MEIS3: variants seen among roughly 807,000 people sequenced by gnomAD.
MEIS3 encodes the protein homeobox protein Meis3.
MEIS3 carries 38 observed loss-of-function variants against 51.4 expected under a neutral mutation model. The observed-to-expected ratio is 0.74, with a 90% CI of 0.57 to 0.97. The LOEUF (loss-of-function observed/expected upper bound fraction) is 0.97, where lower values mean the gene tolerates loss of function less well. Ranked by LOEUF, MEIS3 falls within the 50% of genes least tolerant of loss-of-function variation. The probability of loss-of-function intolerance (pLI) is 0.00; values close to 1 mark genes in which losing one functional copy is unlikely to be tolerated. For synonymous variants in MEIS3, 198 were observed against 201.8 expected, an observed-to-expected ratio of 0.98 and a Z score of 0.16; for missense variants, 456 against 502.6, an observed-to-expected ratio of 0.91 and a Z score of 0.89.
rs1269747190 is a variant in MEIS3 at position 47,419,217 on chromosome 19, C to T, written c.-136G>A. Reference sequence around the variant, plus strand: ...GCAGGAGGCCAGGCGCGCGCCCCCCCACCCCCGCCGCCGTCAGCGGCAGGC... The same window carrying T: ...GCAGGAGGCCAGGCGCGCGCCCCCCTACCCCCGCCGCCGTCAGCGGCAGGC... On this transcript the variant is annotated 5_prime_UTR_variant, in exon 1 of 13. Transcript: ENST00000558555. 6.4e-5 allele frequency: 34 copies of T among 527,692 alleles called. No individual in the cohort carries two copies. The highest frequency in any genetic ancestry group is 9.3e-5 in the Admixed American group (2 of 21,414). The allele number at this position is 527,692 out of a possible 1,614,324, so 32.7% of individuals were successfully genotyped here. A position where few individuals can be genotyped will look rare whatever the true frequency, so the allele number is the denominator to read the frequency against.
upstream of MEIS3, among the ~76,000 whole-genome samples, chr19:47,421,826 C>G (rs1019184507): frequency 6.0e-5 from 9 of 151,072 alleles, no homozygotes; most frequent in Admixed American, 3.3e-4. Flanking sequence ...CTCTTTCTCT[C>G]CATCTTTCTC....
At chr19:47,420,844 T>C (rs1568434015), upstream of MEIS3, among the ~76,000 whole-genome samples, 1 of 150,996 alleles carries the variant, frequency 6.6e-6, no homozygotes. Context: ...CTTCCTCCAG[T>C]CTTTCCCTCT....
At chr19:47,417,829 C>T (rs529023587) in intron 1 of MEIS3, 1 of 612,158 alleles carries the variant, frequency 1.6e-6, no homozygotes, top group Non-Finnish European at 2.9e-6. Context: ...TGTCACACTC[C>T]ACTCGCCACG....
chr19:47,407,313 C>A, intron 9 of MEIS3, 39 bp downstream of exon 9: 1 of 1,593,360 alleles, frequency 6.3e-7, no homozygotes, highest in East Asian at 2.3e-5. Flanking sequence ...CCCGGGCTCT[C>A]GCCCCGGGCC....
At chr19:47,414,186 A>C (rs1971276537) in intron 6 of MEIS3, among the ~76,000 whole-genome samples, 1 of 151,906 alleles carries the variant, frequency 6.6e-6, no homozygotes, top group South Asian at 2.1e-4. Context: ...TGTGTGCAAG[A>C]GGGCACCGTG....
chr19:47,412,758 CG>C (rs1254782200), intron 6 of MEIS3, among the ~76,000 whole-genome samples: 1 of 151,924 alleles, frequency 6.6e-6, no homozygotes. Flanking sequence ...TTAGTAGAGA[CG>C]GGGTTTCACC....
chr19:47,417,409 T>TC, intron 1 of MEIS3, 59 bp from the exon 2 acceptor site: 1 of 1,591,006 alleles, frequency 6.3e-7, no homozygotes, highest in Non-Finnish European at 8.6e-7. Flanking sequence ...ACCCCGAGAC[T>TC]CGGCTGAGGA....
At chr19:47,406,169 G>A (rs1409228279) in intron 12 of MEIS3, 2 of 318,038 alleles carry the variant, frequency 6.3e-6, no homozygotes, top group Non-Finnish European at 1.2e-5. Context: ...GGGTGGACTA[G>A]GTTTGGATGG....
chr19:47,407,907 A>G (rs1970930418), intron 8 of MEIS3, among the ~76,000 whole-genome samples: 1 of 152,182 alleles, frequency 6.6e-6, no homozygotes, highest in African/African-American at 2.4e-5. Flanking sequence ...TCCGGGGTTC[A>G]AGGGATTCCC....
chr19:47,407,446 A>G lies in MEIS3; in HGVS notation c.859-18T>C. ...TACGGGTGCTGCAGCCACCAGCAAG[A>G]GTCACTCTGCCTGCCTGGCCGGCCG... On this transcript the variant is annotated intron_variant, in intron 8 of 12. Coordinates refer to ENST00000558555, the MANE Select transcript of MEIS3 (RefSeq NM_001301059.2). 6.2e-7 allele frequency: 1 copy of G among 1,613,780 alleles called. No individual in the cohort carries two copies. Among genetic ancestry groups the G allele is most frequent in the Non-Finnish European group, 8.5e-7 (1 of 1,179,902 alleles).
intron 5 of MEIS3, 51 bp from the exon 6 acceptor site, chr19:47,414,917 G>T: frequency 7.9e-7 from 1 of 1,259,246 alleles, no homozygotes; most frequent in African/African-American, 1.5e-5. Flanking sequence ...GGCAGGGCGG[G>T]GGTGCTCAGG....
At chr19:47,407,584 G>A in intron 8 of MEIS3, 156 bp from the exon 9 acceptor site, 2 of 1,472,752 alleles carry the variant, frequency 1.4e-6, no homozygotes, top group Non-Finnish European at 1.8e-6. Context: ...CCCCAGGATG[G>A]AGACCAAGGG....
chr19:47,414,635 G>A, intron 6 of MEIS3, 82 bp downstream of exon 6: 1 of 1,479,274 alleles, frequency 6.8e-7, no homozygotes, highest in African/African-American at 1.4e-5. Context: ...GTCTGAGGCT[G>A]TGTAGTGCAC....
chr19:47,421,302 C>T (rs1452310846), upstream of MEIS3, among the ~76,000 whole-genome samples: 1 of 152,058 alleles, frequency 6.6e-6, no homozygotes, highest in Non-Finnish European at 1.5e-5. Context: ...TCATGGGTCT[C>T]CCCAGCACGG....
Position 47,407,145 on chromosome 19 carries a change from G to A in MEIS3, c.936-8C>T, listed in dbSNP as rs1175137852. 6.2e-7 allele frequency: 1 copy of A among 1,608,130 alleles called. No individual in the cohort carries two copies. Among genetic ancestry groups the A allele is most frequent in the Admixed American group, 1.7e-5 (1 of 58,772 alleles). On this transcript the variant is annotated splice_polypyrimidine_tract_variant and splice_region_variant and intron_variant, in intron 9 of 12. Transcript: ENST00000558555. ...CTCCGGGCGTTAATGAACCTGGGAG[G>A]CGGTCATGGAAACGGAGGGGAATGA...
At position 47,407,268 on chromosome 19, in the gene MEIS3, G is replaced by A. The variant is rs1177832748; in HGVS notation, c.935+84C>T. ...GGGCGAGCAGGGGCAGTGGCTCTGC[G>A]GGGCTCGGGGCCTCCGTCAGCACCG... is the stretch of plus-strand genomic sequence containing the variant. On this transcript the variant is annotated intron_variant, in intron 9 of 12. Coordinates refer to ENST00000558555, the MANE Select transcript of MEIS3 (RefSeq NM_001301059.2). 5 of 1,517,864 alleles carry A rather than the reference G, an allele frequency of 3.3e-6. No homozygotes were observed. The Admixed American group carries it at 6.0e-5, about 18-fold the overall frequency. The allele number at this position is 1,517,864 out of a possible 1,614,324, so 94.0% of individuals were successfully genotyped here.
At chr19:47,421,744 G>A (rs1418041565), upstream of MEIS3, among the ~76,000 whole-genome samples, 3 of 136,268 alleles carry the variant, frequency 2.2e-5, no homozygotes, top group Non-Finnish European at 4.5e-5. Flanking sequence ...TCTGTCTCCT[G>A]GCTTTTTTTT....
chr19:47,413,244 T>C (rs1310881677), intron 6 of MEIS3, among the ~76,000 whole-genome samples: 3 of 151,694 alleles, frequency 2.0e-5, no homozygotes, highest in African/African-American at 7.3e-5. Context: ...TGAACAAAAA[T>C]TAGCCCGGTG....
At chr19:47,409,352 G>T (rs1971009414) in intron 7 of MEIS3, 84 bp downstream of exon 7, 2 of 1,573,364 alleles carry the variant, frequency 1.3e-6, no homozygotes. Context: ...AGCCATCTCT[G>T]CCCCTCTACA....
Sources: gnomAD v4.1 joint callset for allele counts (sites outside exome capture counted in the v4.1 genomes callset) on GRCh38, gnomAD v4.1.1 for gene constraint, MANE v1.5 for transcripts, NCBI Gene and HGNC (gene_info 2026-07-23, HGNC 2026-07-21) for gene names.